DTX4: variants seen among roughly 807,000 people sequenced by gnomAD.
The protein encoded by DTX4 is E3 ubiquitin-protein ligase DTX4.
A neutral mutation model predicts 57.6 loss-of-function variants in DTX4; 28 were observed. The ratio of observed to expected loss-of-function variants is 0.49; its 90% CI spans 0.36 to 0.67. The LOEUF (loss-of-function observed/expected upper bound fraction) is 0.67. DTX4 is among the 30% of genes least tolerant of loss of function. DTX4 has a pLI of 0.00. For missense variants in DTX4, 715 were observed against 836.8 expected (o/e 0.85, Z 1.80); for synonymous variants, 316 against 331.0 (o/e 0.95, Z 0.49).
Position 59,172,476 on chromosome 11 carries a change from G to T in DTX4, c.-120G>T. On this transcript the variant is annotated 5_prime_UTR_variant, in exon 1 of 9. Coordinates refer to ENST00000227451, the MANE Select transcript of DTX4 (RefSeq NM_015177.2). ...CGGAGCTGAGGCTGCCCGGGGCGGC[G>T]GGGCGCGGGGCAGGGGGCGCGGTCG... The T allele has an allele frequency of 2.4e-6, 1 of 423,950 alleles. No homozygotes were observed. Among genetic ancestry groups the T allele is most frequent in the Non-Finnish European group, 3.4e-6 (1 of 295,666 alleles). 26.3% of individuals were successfully genotyped at this position (423,950 alleles called of 1,614,324 possible). A position where few individuals can be genotyped will look rare whatever the true frequency, so the allele number is the denominator to read the frequency against.
intron 2 of DTX4, 133 bp from the exon 3 acceptor site, chr11:59,188,598 CCTGA>C (rs2135519141): frequency 1.5e-6 from 1 of 686,668 alleles, no homozygotes; most frequent in African/African-American, 1.8e-5. Context: ...CATGACATGG[CCTGA>C]CTTAGGTTTT....
chr11:59,204,808 A>G lies in DTX4; in HGVS notation c.1759A>G (p.Thr587Ala), dbSNP rs1169002196. 1.9e-6 allele frequency: 3 copies of G among 1,608,484 alleles called. No individual in the cohort carries two copies. Among genetic ancestry groups the G allele is most frequent in the African/African-American group, 2.7e-5 (2 of 74,784 alleles). The change falls in exon 9 of 9, where the codon ACT becomes GCT. Residue 587 changes from threonine to alanine, a missense_variant. Physicochemically the swap from Thr to Ala is moderately conservative, Grantham distance 58 (BLOSUM62 0). Coordinates refer to ENST00000227451, the MANE Select transcript of DTX4 (RefSeq NM_015177.2). ...HHKTEFGSNL[T>A]GHGYPDANYL... ...CAAGACAGAGTTTGGCTCTAATCTC[A>G]CTGGCCATGGCTACCCAGATGCCAA...
chr11:59,192,573 G>A (rs1862613523), intron 6 of DTX4, among the ~76,000 whole-genome samples: 1 of 152,186 alleles, frequency 6.6e-6, no homozygotes, highest in Non-Finnish European at 1.5e-5. Flanking sequence ...GCTAGGTGAA[G>A]TGTGCTCCCA....
intron 7 of DTX4, 125 bp from the exon 8 acceptor site, chr11:59,199,557 CTG>C: frequency 1.3e-6 from 1 of 759,202 alleles, no homozygotes; most frequent in Non-Finnish European, 2.1e-6. Context: ...CTTTTTGGGT[CTG>C]TTCTCTGTTG....
intron 1 of DTX4, among the ~76,000 whole-genome samples, chr11:59,173,886 G>A (rs757698074): frequency 3.9e-5 from 6 of 152,150 alleles, no homozygotes; most frequent in Non-Finnish European, 8.8e-5. Context: ...TCAGTGACAG[G>A]TGGGGAGGGG....
chr11:59,189,392 A>G (rs1462724436), intron 4 of DTX4, 69 bp downstream of exon 4: 22 of 1,441,744 alleles, frequency 1.5e-5, no homozygotes, highest in Admixed American at 4.8e-5. Flanking sequence ...GTCTGCCTCA[A>G]CCTCCAAGGG....
intron 7 of DTX4, among the ~76,000 whole-genome samples, chr11:59,195,912 A>G (rs2055667722): frequency 2.0e-5 from 3 of 152,206 alleles, no homozygotes. Context: ...CGGTATTTGC[A>G]CTTGTAATTT....
intron 1 of DTX4, among the ~76,000 whole-genome samples, chr11:59,178,967 A>G (rs1222448155): frequency 6.6e-6 from 1 of 151,994 alleles, no homozygotes; most frequent in Non-Finnish European, 1.5e-5. Flanking sequence ...CTAGAAAGGT[A>G]TATTATAGAT....
At position 59,194,402 on chromosome 11, in the gene DTX4, G is replaced by A. The variant is rs117505199; in HGVS notation, c.1375-806G>A. On this transcript the variant is annotated intron_variant, in intron 6 of 8. Transcript: ENST00000227451. ...AGCAAATTCATAGCTATTCTTCAAG[G>A]ACCATTTTCTTAAAGTTATCCTCAT... Among the ~76,000 whole-genome samples, 1,479 of 152,180 alleles carry A rather than the reference G, an allele frequency of 9.7e-3. 12 individuals carry two copies. Among genetic ancestry groups the A allele is most frequent in the Non-Finnish European group, 0.016 (1,105 of 68,014 alleles).
At chr11:59,180,937 G>T (rs1272065338) in intron 1 of DTX4, among the ~76,000 whole-genome samples, 1 of 152,196 alleles carries the variant, frequency 6.6e-6, no homozygotes, top group Non-Finnish European at 1.5e-5. Context: ...TGACCATTGA[G>T]AATGTTACTT....
rs145084434 is a variant in DTX4 at position 59,198,388 on chromosome 11, T to C, written c.1537-1296T>C. Among the ~76,000 whole-genome samples the C allele has an allele frequency of 1.4e-3, 216 of 152,320 alleles. 2 individuals carry two copies. The highest frequency in any genetic ancestry group is 4.7e-3 in the African/African-American group (196 of 41,574). ...CCATGGGAAGGTTGTAAATTTGTAG[T>C]GATTTCCTGTAAATGTCAAATTCAT... is the stretch of plus-strand genomic sequence containing the variant. On this transcript the variant is annotated intron_variant, in intron 7 of 8. Coordinates refer to ENST00000227451, the MANE Select transcript of DTX4 (RefSeq NM_015177.2).
intron 2 of DTX4, among the ~76,000 whole-genome samples, chr11:59,184,100 C>T (rs1378135407): frequency 6.6e-6 from 1 of 152,182 alleles, no homozygotes; most frequent in African/African-American, 2.4e-5. Context: ...TCATGACTTC[C>T]CCTGAGATGG....
intron 8 of DTX4, among the ~76,000 whole-genome samples, chr11:59,200,220 A>G (rs1402229402): frequency 6.6e-6 from 1 of 152,206 alleles, no homozygotes; most frequent in East Asian, 1.9e-4. Context: ...CTTATTCACT[A>G]CCATGAGAAC....
chr11:59,201,330 A>G (rs1862737768), intron 8 of DTX4, among the ~76,000 whole-genome samples: 4 of 152,228 alleles, frequency 2.6e-5, no homozygotes, highest in African/African-American at 9.6e-5. Context: ...TATTCAGACC[A>G]TAGCAGCAGC....
rs1343717338 is a variant in DTX4, at chr11:59,172,179, G to A, written c.-417G>A. Reference sequence around the variant, plus strand: ...GAGATCCCACCCCGGCGTCTGCAGAGGCCGAGGCGCAACTGGTGCGAGGGC... The same window carrying A: ...GAGATCCCACCCCGGCGTCTGCAGAAGCCGAGGCGCAACTGGTGCGAGGGC... On this transcript the variant is annotated 5_prime_UTR_variant, in exon 1 of 9. Coordinates refer to ENST00000227451, the MANE Select transcript of DTX4 (RefSeq NM_015177.2). 1.3e-5 allele frequency among the ~76,000 whole-genome samples: 2 copies of A among 152,136 alleles called. No homozygotes were observed. The highest frequency in any genetic ancestry group is 1.3e-4 in the Admixed American group (2 of 15,290).
chr11:59,175,273 G>T (rs936730588), intron 1 of DTX4, among the ~76,000 whole-genome samples: 1 of 152,206 alleles, frequency 6.6e-6, no homozygotes, highest in African/African-American at 2.4e-5. Flanking sequence ...GAAGTCCCCT[G>T]CCCAGAGGCG....
rs1862825268 is a variant in DTX4 at position 59,207,317 on chromosome 11, AGCC to A, written c.*2411_*2413del. The A allele has an allele frequency of 1.3e-5, 2 of 152,372 alleles. No homozygotes were observed. The highest frequency in any genetic ancestry group is 4.8e-5 in the African/African-American group (2 of 41,410). The allele number at this position is 152,372 out of a possible 1,614,324, so 9.4% of individuals were successfully genotyped here. ...GGAAGAAGACTCAAGATGGAAAGGG[AGCC>A]GCTGTGCCTGTGGCAATACCACTTG... is the stretch of plus-strand genomic sequence containing the variant. On this transcript the variant is annotated 3_prime_UTR_variant, in exon 9 of 9. Coordinates refer to ENST00000227451, the MANE Select transcript of DTX4 (RefSeq NM_015177.2).
At chr11:59,203,918 C>T (rs560593014) in intron 8 of DTX4, among the ~76,000 whole-genome samples, 1 of 152,328 alleles carries the variant, frequency 6.6e-6, no homozygotes, top group East Asian at 1.9e-4. Flanking sequence ...ATGGTTTCCT[C>T]TCCTCCAGCC....
intron 4 of DTX4, among the ~76,000 whole-genome samples, chr11:59,189,630 C>T (rs1391077939): frequency 6.6e-6 from 1 of 152,222 alleles, no homozygotes; most frequent in Non-Finnish European, 1.5e-5. Context: ...CCAAAACAGA[C>T]TGGATTCAAA....
Sources: allele counts gnomAD v4.1 joint callset (sites outside exome capture counted in the v4.1 genomes callset), GRCh38; gene constraint gnomAD v4.1.1; transcripts MANE v1.5; gene names NCBI Gene and HGNC (gene_info 2026-07-23, HGNC 2026-07-21).